BRIX1: variants seen among roughly 807,000 people sequenced by gnomAD.
BRIX1 encodes the protein biogenesis of ribosomes BRX1.
A neutral mutation model predicts 44.0 loss-of-function variants in BRIX1; 15 were observed. That is an observed-to-expected ratio of 0.34 (90% CI 0.23 to 0.53). The LOEUF (loss-of-function observed/expected upper bound fraction) is 0.53. BRIX1 is among the 20% of genes least tolerant of loss of function. BRIX1 has a pLI of 0.95. For missense variants in BRIX1, 420 were observed against 432.8 expected (o/e 0.97, Z 0.26); for synonymous variants, 149 against 135.4 (o/e 1.10, Z -0.70).
Position 34,915,916 on chromosome 5 carries a change from G to T in BRIX1, c.159+19G>T. On this transcript the variant is annotated intron_variant, in intron 1 of 9. Coordinates refer to ENST00000336767, the MANE Select transcript of BRIX1 (RefSeq NM_018321.4). ...TTGCAAGGTAGGAGGGGATGTCCCC[G>T]GGCTACACCTGCGGCGGCGGCTCTG... The T allele has an allele frequency of 6.6e-7, 1 of 1,521,804 alleles. No individual in the cohort carries two copies. Among genetic ancestry groups the T allele is most frequent in the South Asian group, 1.2e-5 (1 of 80,566 alleles). 94.3% of individuals were successfully genotyped at this position (1,521,804 alleles called of 1,614,324 possible). A position where few individuals can be genotyped will look rare whatever the true frequency, so the allele number is the denominator to read the frequency against.
At chr5:34,923,440 G>C in intron 8 of BRIX1, 2 of 558,884 alleles carry the variant, frequency 3.6e-6, no homozygotes, top group Non-Finnish European at 6.4e-6. Context: ...ATCACGCCTG[G>C]CTAATTTTTG....
chr5:34,916,147 G>A, intron 1 of BRIX1: 1 of 383,718 alleles, frequency 2.6e-6, no homozygotes, highest in South Asian at 6.5e-5. Context: ...CTTACAGGGT[G>A]CTCAGATCCA....
rs1764351409 is a variant in BRIX1 at position 34,925,252 on chromosome 5, A to C, written c.819A>C (p.Thr273=). ...NMHRRVIRSI[T]AAKYREKQQV... is the part of the protein sequence containing the mutation. The stretch of plus-strand genomic sequence containing the variant: ...ATCGGCGTGTCATAAGATCCATCAC[A>C]GCTGCAAAATACAGAGAGAAACAGC... Residue 273 remains threonine (T), a synonymous_variant, in exon 10 of 10, where the codon ACA becomes ACC. Transcript: ENST00000336767. 4 of 1,608,192 alleles carry C rather than the reference A, an allele frequency of 2.5e-6. No individual in the cohort carries two copies. The highest frequency in any genetic ancestry group is 3.4e-6 in the Non-Finnish European group (4 of 1,178,372).
intron 2 of BRIX1, 31 bp downstream of exon 2, chr5:34,918,506 C>G: frequency 8.0e-7 from 1 of 1,253,862 alleles, no homozygotes; most frequent in African/African-American, 1.6e-5. Flanking sequence ...TTAGAAATTT[C>G]TATCTATAAA....
chr5:34,925,606 C>A lies in BRIX1; in HGVS notation c.*111C>A. 1.1e-6 allele frequency: 1 copy of A among 886,336 alleles called. No homozygotes were observed. Among genetic ancestry groups the A allele is most frequent in the Non-Finnish European group, 1.6e-6 (1 of 619,512 alleles). 54.9% of individuals were successfully genotyped at this position (886,336 alleles called of 1,614,324 possible). Reference sequence around the variant, plus strand: ...TTACGTCTAATTAGTGTAGCATTTACAAGAAAGAAAAATTAAGATCTTAAA... The same window carrying A: ...TTACGTCTAATTAGTGTAGCATTTAAAAGAAAGAAAAATTAAGATCTTAAA... On this transcript the variant is annotated 3_prime_UTR_variant, in exon 10 of 10. Transcript: ENST00000336767.
intron 9 of BRIX1, 23 bp from the exon 10 acceptor site, chr5:34,925,202 CT>C: frequency 6.8e-7 from 1 of 1,474,374 alleles, no homozygotes; most frequent in Non-Finnish European, 9.1e-7. Flanking sequence ...TCAAAAGCAT[CT>C]AATCTTTTTT....
chr5:34,924,781 A>G, intron 8 of BRIX1, 66 bp from the exon 9 acceptor site: 1 of 1,073,338 alleles, frequency 9.3e-7, no homozygotes, highest in Non-Finnish European at 1.4e-6. Context: ...TAATGAGGTT[A>G]TAGCCAGTAT....
In BRIX1 at chr5:34,925,288, T is replaced by C. The variant is rs537825848; in HGVS notation, c.855T>C (p.Asp285=). The change falls in exon 10 of 10, where the codon GAT becomes GAC. Residue 285 remains aspartate (D), a synonymous_variant. Coordinates refer to ENST00000336767, the MANE Select transcript of BRIX1 (RefSeq NM_018321.4). ...AKYREKQQVK[D]VQKLRKKEPK... is the part of the protein sequence containing the mutation. ...ACAGAGAGAAACAGCAAGTGAAAGA[T>C]GTGCAAAAACTGAGAAAGAAAGAGC... 54 of 1,612,900 alleles carry C rather than the reference T, an allele frequency of 3.3e-5. No individual in the cohort carries two copies. Among genetic ancestry groups the C allele is most frequent in the Non-Finnish European group, 4.4e-5 (52 of 1,179,874 alleles).
rs1212745037 is a variant in BRIX1, at chr5:34,925,882, A to G, written c.*387A>G. 7 of 159,356 alleles carry G rather than the reference A, an allele frequency of 4.4e-5. No individual in the cohort carries two copies. The East Asian group carries it at 1.3e-3, about 29-fold the overall frequency. The allele number at this position is 159,356 out of a possible 1,614,324, so 9.9% of individuals were successfully genotyped here. ...GGAGTAGACTGGTAGAAAGGAAGGCATCTCACTGAAGTTTACTCAGTCATC... is the reference window on the plus strand; with the variant it reads ...GGAGTAGACTGGTAGAAAGGAAGGCGTCTCACTGAAGTTTACTCAGTCATC... On this transcript the variant is annotated 3_prime_UTR_variant, in exon 10 of 10. Transcript: ENST00000336767.
Position 34,925,044 on chromosome 5 carries a change from T to A in BRIX1, c.792+69T>A. On this transcript the variant is annotated intron_variant, in intron 9 of 9. Transcript: ENST00000336767. ...CTTTGGCCAAAATGATTCTGTGAAG[T>A]AATTGCTGTTTTATTACCTGTGAAA... The A allele has an allele frequency of 1.9e-6, 3 of 1,545,786 alleles. No homozygotes were observed. In the East Asian group the frequency reaches 6.8e-5, roughly 35 times the overall value.
chr5:34,925,838 G>A lies in BRIX1; in HGVS notation c.*343G>A, dbSNP rs542652030. 42 of 180,266 alleles carry A rather than the reference G, an allele frequency of 2.3e-4. No individual in the cohort carries two copies. The highest frequency in any genetic ancestry group is 3.4e-4 in the Non-Finnish European group (29 of 86,328). 11.2% of individuals were successfully genotyped at this position (180,266 alleles called of 1,614,324 possible). ...AAGCATTCAACACTTCAAGAGCATC[G>A]GTTGTGGATGGTAAAGTAGGAGTAG... On this transcript the variant is annotated 3_prime_UTR_variant, in exon 10 of 10. Coordinates refer to ENST00000336767, the MANE Select transcript of BRIX1 (RefSeq NM_018321.4).
chr5:34,917,279 A>G (rs1764131584), intron 1 of BRIX1, among the ~76,000 whole-genome samples: 1 of 152,232 alleles, frequency 6.6e-6, no homozygotes, highest in Non-Finnish European at 1.5e-5. Flanking sequence ...TTCAGTGTCA[A>G]AGCTATGTCA....
In BRIX1 at chr5:34,915,871, G is replaced by A. The variant is rs1027104673; in HGVS notation, c.133G>A (p.Asp45Asn). 6.4e-6 allele frequency: 10 copies of A among 1,561,062 alleles called. No individual in the cohort carries two copies. Among genetic ancestry groups the A allele is most frequent in the Admixed American group, 3.9e-5 (2 of 51,604 alleles). Reference protein sequence around the residue: ...TAEEVEEEERDRIPGPVCKGK... With the variant: ...TAEEVEEEERNRIPGPVCKGK... ...AGAGGAGGTGGAGGAAGAAGAGAGGGACCGGATCCCAGGCCCCGTTTGCAA... is the reference window on the plus strand; with the variant it reads ...AGAGGAGGTGGAGGAAGAAGAGAGGAACCGGATCCCAGGCCCCGTTTGCAA... Residue 45 changes from aspartate to asparagine, a missense_variant, in exon 1 of 10, where the codon GAC becomes AAC. Asp to Asn is a conservative substitution (Grantham distance 23). Transcript: ENST00000336767.
At chr5:34,919,449 C>T (rs886487785) in intron 2 of BRIX1, among the ~76,000 whole-genome samples, 23 of 151,810 alleles carry the variant, frequency 1.5e-4, no homozygotes, top group Non-Finnish European at 2.8e-4. Context: ...GTTTGTTACA[C>T]GGGCATAAAG....
chr5:34,923,532 C>T (rs916736001), intron 8 of BRIX1, among the ~76,000 whole-genome samples: 1 of 152,224 alleles, frequency 6.6e-6, no homozygotes, highest in Non-Finnish European at 1.5e-5. Context: ...CCCGCCTTGG[C>T]CTCCCAAAGT....
chr5:34,918,358 C>A lies in BRIX1; in HGVS notation c.160-6C>A. 7.4e-7 allele frequency: 1 copy of A among 1,346,242 alleles called. No individual in the cohort carries two copies. The highest frequency in any genetic ancestry group is 1.1e-6 in the Non-Finnish European group (1 of 947,148). The allele number at this position is 1,346,242 out of a possible 1,614,324, so 83.4% of individuals were successfully genotyped here. On this transcript the variant is annotated splice_region_variant and splice_polypyrimidine_tract_variant and intron_variant, in intron 1 of 9. Transcript: ENST00000336767. ...TAAAATCTTTTAACATTTTCTTTTT[C>A]TTTAGGGAAAGTGGAAAAATAAGGA...
At chr5:34,916,703 T>C (rs534364015) in intron 1 of BRIX1, 3 of 152,362 alleles carry the variant, frequency 2.0e-5, no homozygotes, top group Admixed American at 6.5e-5. Context: ...CCTCCGCACT[T>C]AGCATAGTAC....
chr5:34,915,953 T>C (rs960335116), intron 1 of BRIX1, 56 bp downstream of exon 1: 1 of 1,480,556 alleles, frequency 6.8e-7, no homozygotes, highest in Non-Finnish European at 9.0e-7. Context: ...GCGCCTTTTC[T>C]TGGGTTACTT....
In BRIX1 at chr5:34,925,572, A is replaced by G; in HGVS notation, c.*77A>G. On this transcript the variant is annotated 3_prime_UTR_variant, in exon 10 of 10. Transcript: ENST00000336767. ...CAATGTGTAAATACTTTTATTATCT[A>G]ATACTATCTTACGTCTAATTAGTGT... is the stretch of plus-strand genomic sequence containing the variant. 1.6e-6 allele frequency: 2 copies of G among 1,261,996 alleles called. No individual in the cohort carries two copies. The highest frequency in any genetic ancestry group is 2.5e-5 in the East Asian group (1 of 39,310). The allele number at this position is 1,261,996 out of a possible 1,614,324, so 78.2% of individuals were successfully genotyped here.
Sources: allele counts gnomAD v4.1 joint callset (sites outside exome capture counted in the v4.1 genomes callset), GRCh38; gene constraint gnomAD v4.1.1; transcripts MANE v1.5; gene names NCBI Gene and HGNC (gene_info 2026-07-23, HGNC 2026-07-21).